BRINP3: variants seen among roughly 807,000 people sequenced by gnomAD.
BRINP3 encodes BMP/retinoic acid-inducible neural-specific protein 3.
BRINP3 carries 19 observed loss-of-function variants against 71.0 expected under a neutral mutation model. The ratio of observed to expected loss-of-function variants is 0.27; its 90% CI spans 0.19 to 0.39. The LOEUF (loss-of-function observed/expected upper bound fraction) is 0.39. BRINP3 is among the 10% of genes least tolerant of loss of function. The pLI, the probability that BRINP3 is intolerant of heterozygous loss-of-function variation, is 1.00. For missense variants in BRINP3, 959 were observed against 940.8 expected, an observed-to-expected ratio of 1.02 and a Z score of -0.25; for synonymous variants, 380 against 337.7, an observed-to-expected ratio of 1.13 and a Z score of -1.37.
chr1:190,441,779 T>G (rs1028156530), intron 2 of BRINP3, among the ~76,000 whole-genome samples: 2 of 152,126 alleles, frequency 1.3e-5, no homozygotes, highest in Admixed American at 6.6e-5. Flanking sequence ...TTCTCCCTAA[T>G]AGTACTTCAA....
At chr1:190,339,190 C>T (rs1459373862) in intron 2 of BRINP3, among the ~76,000 whole-genome samples, 1 of 151,932 alleles carries the variant, frequency 6.6e-6, no homozygotes, top group Non-Finnish European at 1.5e-5. Context: ...AATAGTTAAT[C>T]TACTTTATCA....
At chr1:190,292,059 T>C (rs1034110405) in intron 2 of BRINP3, among the ~76,000 whole-genome samples, 5 of 152,152 alleles carry the variant, frequency 3.3e-5, no homozygotes, top group African/African-American at 1.2e-4. Context: ...AAAGAAAAAT[T>C]CCACTTGACC....
chr1:190,198,797 A>C (rs1654729829), intron 6 of BRINP3, among the ~76,000 whole-genome samples: 1 of 152,092 alleles, frequency 6.6e-6, no homozygotes, highest in Non-Finnish European at 1.5e-5. Context: ...GAAGTTCCAA[A>C]CTTTCCTATA....
chr1:190,443,181 G>C (rs1674950535), intron 2 of BRINP3, among the ~76,000 whole-genome samples: 1 of 151,982 alleles, frequency 6.6e-6, no homozygotes, highest in Non-Finnish European at 1.5e-5. Flanking sequence ...TTATGGGCGT[G>C]AGCCACTGCG....
At chr1:190,148,748 T>C (rs917405208) in intron 7 of BRINP3, among the ~76,000 whole-genome samples, 2 of 152,156 alleles carry the variant, frequency 1.3e-5, no homozygotes, top group Admixed American at 6.6e-5. Context: ...ATTTTAGTTT[T>C]AAATTTAGTA....
intron 7 of BRINP3, among the ~76,000 whole-genome samples, chr1:190,139,664 T>A (rs1285984599): frequency 1.3e-5 from 2 of 152,068 alleles, no homozygotes; most frequent in Non-Finnish European, 2.9e-5. Context: ...CATTTTCAAG[T>A]CACTGTAGGA....
At chr1:190,448,984 ACT>A (rs960235082) in intron 2 of BRINP3, among the ~76,000 whole-genome samples, 6 of 151,788 alleles carry the variant, frequency 4.0e-5, no homozygotes, top group South Asian at 4.1e-4. Flanking sequence ...TTGAATTTCC[ACT>A]CTCTGCTTAA....
chr1:190,333,183 C>A (rs756704022), intron 2 of BRINP3, among the ~76,000 whole-genome samples: 4 of 151,846 alleles, frequency 2.6e-5, no homozygotes, highest in Non-Finnish European at 5.9e-5. Context: ...TCCCCCACTG[C>A]ATAAAAATTT....
chr1:190,465,396 C>T (rs1312751821), intron 1 of BRINP3, among the ~76,000 whole-genome samples: 2 of 151,816 alleles, frequency 1.3e-5, no homozygotes, highest in Non-Finnish European at 2.9e-5. Context: ...GTTCTCAGCC[C>T]CTGACTTCTG....
At chr1:190,104,184 C>A (rs1426955862) in intron 7 of BRINP3, among the ~76,000 whole-genome samples, 2 of 151,970 alleles carry the variant, frequency 1.3e-5, no homozygotes, top group Non-Finnish European at 2.9e-5. Context: ...AGCAGGACAA[C>A]ATCAAAGATA....
At chr1:190,260,805 C>A (rs1359497223) in intron 4 of BRINP3, among the ~76,000 whole-genome samples, 1 of 152,036 alleles carries the variant, frequency 6.6e-6, no homozygotes, top group Non-Finnish European at 1.5e-5. Context: ...AGTAAAAACT[C>A]ATTTCAAGAT....
chr1:190,143,505 T>C (rs1655632682), intron 7 of BRINP3, among the ~76,000 whole-genome samples: 1 of 152,180 alleles, frequency 6.6e-6, no homozygotes, highest in African/African-American at 2.4e-5. Context: ...TAGTCCTTTG[T>C]GGATATGGAA....
At chr1:190,361,410 GT>G (rs1237693912) in intron 2 of BRINP3, among the ~76,000 whole-genome samples, 1 of 151,590 alleles carries the variant, frequency 6.6e-6, no homozygotes, top group Non-Finnish European at 1.5e-5. Context: ...TTTGTTTTTT[GT>G]TTTTTTGTTT....
chr1:190,449,730 T>C, intron 2 of BRINP3, among the ~76,000 whole-genome samples: 1 of 152,102 alleles, frequency 6.6e-6, no homozygotes, highest in East Asian at 1.9e-4. Context: ...TGATATGTAG[T>C]GGTTTGGGCT....
intron 2 of BRINP3, among the ~76,000 whole-genome samples, chr1:190,359,164 A>C (rs1363142490): frequency 6.6e-6 from 1 of 152,126 alleles, no homozygotes; most frequent in Non-Finnish European, 1.5e-5. Context: ...GTATAATAAC[A>C]AATAAAAAAA....
chr1:190,431,761 C>G (rs896407217), intron 2 of BRINP3, among the ~76,000 whole-genome samples: 1 of 151,964 alleles, frequency 6.6e-6, no homozygotes, highest in Admixed American at 6.6e-5. Context: ...GCTCAGAAAC[C>G]GTAGAAGTAA....
At chr1:190,431,597 T>C (rs1281509892) in intron 2 of BRINP3, among the ~76,000 whole-genome samples, 2 of 152,174 alleles carry the variant, frequency 1.3e-5, no homozygotes, top group South Asian at 2.1e-4. Flanking sequence ...CCTCAAGTGA[T>C]CTGCCAGCCT....
chr1:190,259,558 T>C (rs944025828), intron 4 of BRINP3, among the ~76,000 whole-genome samples: 2 of 149,088 alleles, frequency 1.3e-5, no homozygotes, highest in African/African-American at 5.0e-5. Context: ...AACACTTTCT[T>C]CCTAAGAGCA....
chr1:190,463,293 A>G (rs1305556909), intron 1 of BRINP3, among the ~76,000 whole-genome samples: 2 of 151,742 alleles, frequency 1.3e-5, no homozygotes, highest in Admixed American at 6.6e-5. Flanking sequence ...ATTTTGCTAA[A>G]ATGCAATCAT....
Sources: gnomAD v4.1 joint callset for allele counts (sites outside exome capture counted in the v4.1 genomes callset) on GRCh38, gnomAD v4.1.1 for gene constraint, MANE v1.5 for transcripts, NCBI Gene and HGNC (gene_info 2026-07-23, HGNC 2026-07-21) for gene names.